The following UGT1A7 variants were observed in gnomAD, a reference collection of about 807,000 sequenced individuals.
UGT1A7 encodes UDP-glucuronosyltransferase 1A7.
A neutral mutation model predicts 45.6 loss-of-function variants in UGT1A7; 33 were observed. The ratio of observed to expected loss-of-function variants is 0.72; its 90% CI spans 0.55 to 0.97. The LOEUF (loss-of-function observed/expected upper bound fraction) is 0.97, where lower values mean the gene tolerates loss of function less well. Ranked by LOEUF, UGT1A7 falls within the 50% of genes least tolerant of loss-of-function variation. The pLI, the probability that UGT1A7 is intolerant of heterozygous loss-of-function variation, is 0.00. For missense variants in UGT1A7, 684 were observed against 666.2 expected (o/e 1.03, Z -0.29); for synonymous variants, 274 against 250.6 (o/e 1.09, Z -0.88).
chr2:233,727,225 C>G (rs1417750017), intron 1 of UGT1A7, among the ~76,000 whole-genome samples: 1 of 152,168 alleles, frequency 6.6e-6, no homozygotes, highest in Non-Finnish European at 1.5e-5. Context: ...TCCACATATG[C>G]GGATGGCTCC....
chr2:233,767,955 A>G lies in UGT1A7; in HGVS notation c.1075+19A>G. ...CTGCTTGGTATGTTGGGCGGATTGG[A>G]TGTATAGGTCAAACCAGGGTCAAAT... On this transcript the variant is annotated intron_variant, in intron 3 of 4. Coordinates refer to ENST00000373426, the MANE Select transcript of UGT1A7 (RefSeq NM_019077.3). 1 of 1,614,124 alleles carries G rather than the reference A, an allele frequency of 6.2e-7. No homozygotes were observed. The highest frequency in any genetic ancestry group is 8.5e-7 in the Non-Finnish European group (1 of 1,180,040).
intron 1 of UGT1A7, among the ~76,000 whole-genome samples, chr2:233,749,052 C>A (rs1694096242): frequency 6.6e-6 from 1 of 151,690 alleles, no homozygotes; most frequent in Admixed American, 6.6e-5. Flanking sequence ...TACTCTGGGA[C>A]CTGAATATTG....
At chr2:233,739,373 G>T (rs1209050153) in intron 1 of UGT1A7, among the ~76,000 whole-genome samples, 1 of 152,200 alleles carries the variant, frequency 6.6e-6, no homozygotes, top group Non-Finnish European at 1.5e-5. Flanking sequence ...CTTGCACTGT[G>T]TGCCTGGAAG....
At chr2:233,764,755 C>T (rs1698636396) in intron 1 of UGT1A7, among the ~76,000 whole-genome samples, 1 of 152,062 alleles carries the variant, frequency 6.6e-6, no homozygotes, top group Non-Finnish European at 1.5e-5. Context: ...TGGTGCAGAC[C>T]CTAGGGAGGA....
At chr2:233,714,126 C>T (rs866787079) in intron 1 of UGT1A7, among the ~76,000 whole-genome samples, 2 of 152,016 alleles carry the variant, frequency 1.3e-5, no homozygotes, top group Admixed American at 6.5e-5. Context: ...GGAGACTGTT[C>T]GTTTGTAAAA....
chr2:233,724,596 C>T (rs202203863), intron 1 of UGT1A7, among the ~76,000 whole-genome samples: 7 of 113,880 alleles, frequency 6.1e-5, no homozygotes, highest in Non-Finnish European at 1.1e-4. Flanking sequence ...ACATCTCAGA[C>T]GATGGGCGGC....
At chr2:233,724,358 C>A (rs2077236787) in intron 1 of UGT1A7, among the ~76,000 whole-genome samples, 6 of 147,934 alleles carry the variant, frequency 4.1e-5, no homozygotes, top group Non-Finnish European at 3.0e-5. Flanking sequence ...CACCTCCCTC[C>A]CGGACGGGGT....
At chr2:233,753,221 CTTCTTGTAT>C (rs979493311) in intron 1 of UGT1A7, 4 of 152,156 alleles carry the variant, frequency 2.6e-5, no homozygotes, top group African/African-American at 9.7e-5. Flanking sequence ...TATTTTGATA[CTTCTTGTAT>C]AGTTATTATT....
chr2:233,685,750 T>C (rs921568382), intron 1 of UGT1A7, among the ~76,000 whole-genome samples: 1 of 152,254 alleles, frequency 6.6e-6, no homozygotes, highest in Non-Finnish European at 1.5e-5. Flanking sequence ...TTTTCTTCCA[T>C]TTTAAAGAAA....
At chr2:233,714,411 G>A (rs2076385776) in intron 1 of UGT1A7, among the ~76,000 whole-genome samples, 1 of 152,178 alleles carries the variant, frequency 6.6e-6, no homozygotes, top group African/African-American at 2.4e-5. Context: ...ATGGATGTCT[G>A]TGATCAGAGA....
chr2:233,714,359 G>T (rs754648080), intron 1 of UGT1A7, among the ~76,000 whole-genome samples: 56 of 152,316 alleles, frequency 3.7e-4, no homozygotes, highest in East Asian at 3.9e-4. Context: ...AGGTTTCAAA[G>T]AAGTTGACTC....
At chr2:233,755,363 G>T (rs907026349) in intron 1 of UGT1A7, 4 of 363,278 alleles carry the variant, frequency 1.1e-5, no homozygotes. Flanking sequence ...GACCTGGGCC[G>T]CCTGGAGGGC....
intron 1 of UGT1A7, among the ~76,000 whole-genome samples, chr2:233,707,311 A>G (rs2075954377): frequency 1.3e-5 from 2 of 152,116 alleles, no homozygotes; most frequent in Non-Finnish European, 2.9e-5. Context: ...GGTTTGTTAC[A>G]TAGCTAAACA....
intron 1 of UGT1A7, among the ~76,000 whole-genome samples, chr2:233,724,338 T>C (rs2077227587): frequency 6.9e-6 from 1 of 145,520 alleles, no homozygotes; most frequent in African/African-American, 2.6e-5. Context: ...GGCGGGGGGC[T>C]GACCCCCCCC....
chr2:233,768,409 A>G lies in UGT1A7; in HGVS notation c.1265A>G (p.Asn422Ser). ...GAAATGACTTCTGAAGATTTAGAAA[A>G]TGCTCTAAAAGCAGTCATCAATGAC... ...VLEMTSEDLE[N>S]ALKAVINDKS... is the part of the protein sequence containing the mutation. The change falls in exon 4 of 5, where the codon AAT becomes AGT. Residue 422 changes from asparagine to serine, a missense_variant. Asn to Ser is a conservative substitution (Grantham distance 46, BLOSUM62 1). Coordinates refer to ENST00000373426, the MANE Select transcript of UGT1A7 (RefSeq NM_019077.3). 1 of 1,614,180 alleles carries G rather than the reference A, an allele frequency of 6.2e-7. No homozygotes were observed. Among genetic ancestry groups the G allele is most frequent in the South Asian group, 1.1e-5 (1 of 91,082 alleles).
In UGT1A7 at chr2:233,744,132, C is replaced by G. The variant is rs576185082; in HGVS notation, c.856-22902C>G. The G allele has an allele frequency of 6.1e-4, 215 of 354,750 alleles. 4 individuals are homozygous for G. The highest frequency in any genetic ancestry group is 4.3e-3 in the African/African-American group (200 of 46,340). 22.0% of individuals were successfully genotyped at this position (354,750 alleles called of 1,614,324 possible). A position where few individuals can be genotyped will look rare whatever the true frequency, so the allele number is the denominator to read the frequency against. On this transcript the variant is annotated intron_variant, in intron 1 of 4. Transcript: ENST00000373426. ...CTGCTCTCTGTGAGGCTCTGTGAGGCCCTGTGATGCTCCAAGACCAGGCCC... is the reference window on the plus strand; with the variant it reads ...CTGCTCTCTGTGAGGCTCTGTGAGGGCCTGTGATGCTCCAAGACCAGGCCC...
intron 1 of UGT1A7, among the ~76,000 whole-genome samples, chr2:233,694,660 A>G (rs534591293): frequency 3.3e-5 from 5 of 152,152 alleles, no homozygotes; most frequent in Non-Finnish European, 7.3e-5. Context: ...TTTTTATCAG[A>G]GAGAAAGCCT....
intron 1 of UGT1A7, among the ~76,000 whole-genome samples, chr2:233,699,277 G>C (rs571854472): frequency 2.9e-4 from 44 of 152,142 alleles, no homozygotes; most frequent in African/African-American, 1.1e-3. Context: ...CTTGAATCCA[G>C]GCCAGATGCT....
In UGT1A7 at chr2:233,683,100, A is replaced by G. The variant is rs375985359; in HGVS notation, c.855+308A>G. Among the ~76,000 whole-genome samples, 6 of 152,278 alleles carry G rather than the reference A, an allele frequency of 3.9e-5. No homozygotes were observed. The South Asian group carries it at 1.2e-3, about 32-fold the overall frequency. ...AAACTTCCCTTTTTTTGCTAATTCT[A>G]CACTACCCCCAGAGGAAAATATTCT... On this transcript the variant is annotated intron_variant, in intron 1 of 4. Transcript: ENST00000373426.
Sources: gnomAD v4.1 joint callset for allele counts (sites outside exome capture counted in the v4.1 genomes callset) on GRCh38, gnomAD v4.1.1 for gene constraint, MANE v1.5 for transcripts, NCBI Gene and HGNC (gene_info 2026-07-23, HGNC 2026-07-21) for gene names.